CSMD1: variants seen among roughly 807,000 people sequenced by gnomAD.
CSMD1 encodes CUB and sushi domain-containing protein 1.
In CSMD1, 213 loss-of-function variants were observed where a neutral mutation model predicts 417.5. The observed-to-expected ratio is 0.51, with a 90% confidence interval of 0.46 to 0.57. The LOEUF (loss-of-function observed/expected upper bound fraction) is 0.57. CSMD1 is among the 20% of genes least tolerant of loss of function. The probability of loss-of-function intolerance (pLI) is 0.00; values close to 1 mark genes in which losing one functional copy is unlikely to be tolerated. For missense variants in CSMD1, 6,923 were observed against 4,529.7 expected, an observed-to-expected ratio of 1.53 and a Z score of -15.17; for synonymous variants, 2,862 against 1,736.8, an observed-to-expected ratio of 1.65 and a Z score of -16.11.
intron 63 of CSMD1, 39 bp downstream of exon 63, chr8:2,957,657 T>TA: frequency 8.1e-7 from 1 of 1,234,358 alleles, no homozygotes; most frequent in Non-Finnish European, 1.2e-6. Flanking sequence ...TCACAATAAA[T>TA]AGGTGACTTG....
At chr8:4,971,579 A>G (rs906619254) in intron 1 of CSMD1, among the ~76,000 whole-genome samples, 1 of 152,022 alleles carries the variant, frequency 6.6e-6, no homozygotes, top group African/African-American at 2.4e-5. Flanking sequence ...GCAGTAGGCT[A>G]TGTTTACCAC....
chr8:3,346,337 G>A (rs1473663906), intron 22 of CSMD1, among the ~76,000 whole-genome samples: 1 of 152,010 alleles, frequency 6.6e-6, no homozygotes, highest in Non-Finnish European at 1.5e-5. Context: ...TCATTCACCT[G>A]CACTAAAGTA....
intron 12 of CSMD1, among the ~76,000 whole-genome samples, chr8:3,421,715 A>G (rs1186449177): frequency 2.0e-5 from 3 of 152,146 alleles, no homozygotes; most frequent in Non-Finnish European, 4.4e-5. Flanking sequence ...TTGGCTCGCT[A>G]CAACCTCCAC....
intron 1 of CSMD1, among the ~76,000 whole-genome samples, chr8:4,774,312 T>A (rs1308647593): frequency 6.6e-6 from 1 of 152,216 alleles, no homozygotes; most frequent in Non-Finnish European, 1.5e-5. Flanking sequence ...GAGCAAGTTA[T>A]AGTAATTGAG....
intron 2 of CSMD1, among the ~76,000 whole-genome samples, chr8:4,602,393 T>C (rs11136757): frequency 0.71 from 107,342 of 151,998 alleles, 41,402 homozygotes; most frequent in Non-Finnish European, 0.85. Context: ...ACTATTAATT[T>C]GCTGGTCCAA....
intron 33 of CSMD1, among the ~76,000 whole-genome samples, chr8:3,191,852 C>G (rs2129051394): frequency 6.6e-6 from 1 of 152,308 alleles, no homozygotes; most frequent in South Asian, 2.1e-4. Context: ...TATTTAGGTA[C>G]TGTCTCTGGG....
intron 23 of CSMD1, among the ~76,000 whole-genome samples, chr8:3,311,932 C>G (rs533401295): frequency 1.2e-4 from 19 of 152,242 alleles, no homozygotes; most frequent in South Asian, 2.1e-4. Context: ...GAATATGCCT[C>G]TATGTTCAGA....
At chr8:3,364,922 A>C (rs1809453758) in intron 20 of CSMD1, among the ~76,000 whole-genome samples, 1 of 152,232 alleles carries the variant, frequency 6.6e-6, no homozygotes, top group Admixed American at 6.5e-5. Flanking sequence ...AGGGCACCAG[A>C]ATAAGAAACT....
chr8:4,291,343 G>T (rs1454662210), intron 3 of CSMD1, among the ~76,000 whole-genome samples: 1 of 151,968 alleles, frequency 6.6e-6, no homozygotes, highest in Admixed American at 6.6e-5. Flanking sequence ...CCTTTAAATT[G>T]ATAAATTACA....
At chr8:3,952,606 G>C (rs1015775656) in intron 5 of CSMD1, among the ~76,000 whole-genome samples, 3 of 152,114 alleles carry the variant, frequency 2.0e-5, no homozygotes, top group Non-Finnish European at 4.4e-5. Flanking sequence ...GGAGAGAGGA[G>C]AATGGAAGAA....
At chr8:3,547,017 T>A (rs925128202) in intron 10 of CSMD1, among the ~76,000 whole-genome samples, 1 of 152,168 alleles carries the variant, frequency 6.6e-6, no homozygotes, top group African/African-American at 2.4e-5. Context: ...TGTCCACAGA[T>A]GTGGGGCTGG....
At chr8:3,972,355 A>C (rs1410375171) in intron 5 of CSMD1, among the ~76,000 whole-genome samples, 1 of 152,192 alleles carries the variant, frequency 6.6e-6, no homozygotes, top group Non-Finnish European at 1.5e-5. Context: ...AATATCATTT[A>C]ATTTTTGCTA....
intron 7 of CSMD1, among the ~76,000 whole-genome samples, chr8:3,621,185 T>C (rs1339749357): frequency 6.6e-6 from 1 of 152,190 alleles, no homozygotes; most frequent in Non-Finnish European, 1.5e-5. Context: ...AAAGTGAATT[T>C]CTGTTGTTTA....
intron 63 of CSMD1, among the ~76,000 whole-genome samples, chr8:2,956,085 T>C (rs1363230395): frequency 2.0e-5 from 3 of 152,000 alleles, no homozygotes; most frequent in Non-Finnish European, 4.4e-5. Context: ...GATTTAGAGA[T>C]CACAGCTTTG....
chr8:3,230,321 T>A (rs1798760085), intron 26 of CSMD1, 90 bp from the exon 27 acceptor site: 2 of 1,009,032 alleles, frequency 2.0e-6, no homozygotes, highest in Non-Finnish European at 1.4e-6. Context: ...GTTGAAGCAC[T>A]CTTCATTGGC....
chr8:3,380,915 A>G (rs752158400), intron 18 of CSMD1, among the ~76,000 whole-genome samples: 6 of 152,134 alleles, frequency 3.9e-5, no homozygotes, highest in Non-Finnish European at 8.8e-5. Flanking sequence ...TTTTGGTTAG[A>G]TAGTAAAATA....
At chr8:4,607,695 T>G (rs979889353) in intron 2 of CSMD1, among the ~76,000 whole-genome samples, 1 of 152,216 alleles carries the variant, frequency 6.6e-6, no homozygotes, top group Non-Finnish European at 1.5e-5. Context: ...TCCAGCAATC[T>G]TCGTGAGTAT....
At chr8:3,166,355 G>C (rs1341979552) in intron 37 of CSMD1, among the ~76,000 whole-genome samples, 1 of 151,988 alleles carries the variant, frequency 6.6e-6, no homozygotes, top group Non-Finnish European at 1.5e-5. Context: ...ACATGGCCCT[G>C]AAACCCCGTC....
intron 4 of CSMD1, among the ~76,000 whole-genome samples, chr8:4,020,662 G>T (rs79702969): frequency 1.3e-5 from 2 of 152,132 alleles, no homozygotes; most frequent in Non-Finnish European, 2.9e-5. Context: ...CTTATTCCAG[G>T]ACAGATAACA....
Sources: gnomAD v4.1 joint callset for allele counts (sites outside exome capture counted in the v4.1 genomes callset) on GRCh38, gnomAD v4.1.1 for gene constraint, MANE v1.5 for transcripts, NCBI Gene and HGNC (gene_info 2026-07-23, HGNC 2026-07-21) for gene names.